The following NR3C2 variants were observed in gnomAD, a reference collection of about 807,000 sequenced individuals.
NR3C2 encodes the protein nuclear receptor subfamily 3 group C member 2.
In NR3C2, 15 loss-of-function variants were observed where a neutral mutation model predicts 86.4. That is an observed-to-expected ratio of 0.17 (90% CI 0.12 to 0.27). NR3C2 has a LOEUF of 0.27. Among genes scored for constraint, NR3C2 ranks in the 10% least tolerant of loss-of-function variants. The probability of loss-of-function intolerance (pLI) is 1.00; values close to 1 mark genes in which losing one functional copy is unlikely to be tolerated. For synonymous variants in NR3C2, 458 were observed against 450.5 expected, an observed-to-expected ratio of 1.02 and a Z score of -0.21; for missense variants, 960 against 1,195.6, an observed-to-expected ratio of 0.80 and a Z score of 2.91.
At position 148,080,915 on chromosome 4, in the gene NR3C2, C is replaced by A; in HGVS notation, c.*429G>T. 6.1e-6 allele frequency: 2 copies of A among 327,000 alleles called. No homozygotes were observed. The highest frequency in any genetic ancestry group is 2.5e-5 in the South Asian group (1 of 40,400). 20.3% of individuals were successfully genotyped at this position (327,000 alleles called of 1,614,324 possible). ...TTTTAATAACAAAAGAATATTAATGCCCCATATTGACTATACGTTTTATGT... is the reference window on the plus strand; with the variant it reads ...TTTTAATAACAAAAGAATATTAATGACCCATATTGACTATACGTTTTATGT... On this transcript the variant is annotated 3_prime_UTR_variant, in exon 9 of 9. Coordinates refer to ENST00000358102, the MANE Select transcript of NR3C2 (RefSeq NM_000901.5).
intron 8 of NR3C2, among the ~76,000 whole-genome samples, chr4:148,105,624 C>T (rs1271904798): frequency 1.3e-5 from 2 of 152,132 alleles, no homozygotes; most frequent in Non-Finnish European, 2.9e-5. Context: ...TGTGAAAATC[C>T]TCAATAAAAT....
chr4:148,106,471 T>A (rs1364056330), intron 8 of NR3C2, among the ~76,000 whole-genome samples: 1 of 152,212 alleles, frequency 6.6e-6, no homozygotes, highest in Non-Finnish European at 1.5e-5. Context: ...GTTATTCCCA[T>A]TAAGCTACCA....
At chr4:148,194,967 T>C in intron 3 of NR3C2, 105 bp from the exon 4 acceptor site, 1 of 876,558 alleles carries the variant, frequency 1.1e-6, no homozygotes, top group Non-Finnish European at 1.8e-6. Flanking sequence ...CCTTGAAATC[T>C]CTTTCTCAAA....
At chr4:148,316,855 G>A (rs1439278715) in intron 2 of NR3C2, among the ~76,000 whole-genome samples, 1 of 152,138 alleles carries the variant, frequency 6.6e-6, no homozygotes, top group East Asian at 1.9e-4. Flanking sequence ...AGGATGGGAT[G>A]TAGTGGTGTG....
intron 8 of NR3C2, among the ~76,000 whole-genome samples, chr4:148,113,892 C>T (rs1732154589): frequency 6.6e-6 from 1 of 152,054 alleles, no homozygotes; most frequent in Non-Finnish European, 1.5e-5. Flanking sequence ...TACTCTTGGC[C>T]CATCCTGTAT....
At chr4:148,104,090 A>G (rs946153732) in intron 8 of NR3C2, among the ~76,000 whole-genome samples, 1 of 152,216 alleles carries the variant, frequency 6.6e-6, no homozygotes, top group Non-Finnish European at 1.5e-5. Context: ...CTTGTGAAAG[A>G]AGAAATTTGT....
chr4:148,135,045 T>C (rs1328451065), intron 6 of NR3C2, among the ~76,000 whole-genome samples: 1 of 152,068 alleles, frequency 6.6e-6, no homozygotes, highest in East Asian at 1.9e-4. Flanking sequence ...CTCACTGTGA[T>C]GCTTTGTACA....
At chr4:148,405,671 T>C (rs1319224781) in intron 2 of NR3C2, among the ~76,000 whole-genome samples, 1 of 152,228 alleles carries the variant, frequency 6.6e-6, no homozygotes, top group Admixed American at 6.5e-5. Flanking sequence ...CAAAGCACTT[T>C]ACAAAATGTA....
chr4:148,104,661 C>G (rs1731713420), intron 8 of NR3C2, among the ~76,000 whole-genome samples: 1 of 152,164 alleles, frequency 6.6e-6, no homozygotes, highest in Non-Finnish European at 1.5e-5. Flanking sequence ...TCATTGTCAC[C>G]TGAGCAACAG....
intron 3 of NR3C2, among the ~76,000 whole-genome samples, chr4:148,258,793 C>T (rs1235638661): frequency 1.3e-5 from 2 of 152,182 alleles, no homozygotes; most frequent in African/African-American, 2.4e-5. Context: ...GCCAAGCCTA[C>T]GCTGGGACTT....
rs6822304 is a variant in NR3C2, at chr4:148,224,185, C to T, written c.1898-29323G>A. On this transcript the variant is annotated intron_variant, in intron 3 of 8. Coordinates refer to ENST00000358102, the MANE Select transcript of NR3C2 (RefSeq NM_000901.5). ...AGACCAAACTAGCATAGACAACATG[C>T]AAATCCCTAATCTCAGGAAGAAGCA... 2.9e-3 allele frequency among the ~76,000 whole-genome samples: 443 copies of T among 151,196 alleles called. 3 individuals carry two copies. The highest frequency in any genetic ancestry group is 0.01 in the African/African-American group (420 of 41,234).
At chr4:148,124,207 C>G (rs1372399407) in intron 6 of NR3C2, among the ~76,000 whole-genome samples, 2 of 151,692 alleles carry the variant, frequency 1.3e-5, no homozygotes, top group African/African-American at 4.9e-5. Flanking sequence ...TGCACTCTAG[C>G]CTGGGTGACA....
chr4:148,090,306 T>C (rs1161547626), intron 8 of NR3C2, among the ~76,000 whole-genome samples: 2 of 152,100 alleles, frequency 1.3e-5, no homozygotes, highest in Non-Finnish European at 2.9e-5. Context: ...TCAGGAAAGA[T>C]GGGCTTGGCA....
At chr4:148,333,370 A>AAAAC (rs201031744) in intron 2 of NR3C2, among the ~76,000 whole-genome samples, 2 of 152,156 alleles carry the variant, frequency 1.3e-5, no homozygotes, top group Non-Finnish European at 2.9e-5. Context: ...ATTCCTAGGA[A>AAAAC]AAACAAACAA....
At chr4:148,388,815 C>G (rs1043463956) in intron 2 of NR3C2, among the ~76,000 whole-genome samples, 1 of 151,988 alleles carries the variant, frequency 6.6e-6, no homozygotes, top group African/African-American at 2.4e-5. Context: ...TGCAGAAGAC[C>G]CAGAGGAGAA....
At chr4:148,381,668 G>T (rs1202071357) in intron 2 of NR3C2, among the ~76,000 whole-genome samples, 1 of 152,120 alleles carries the variant, frequency 6.6e-6, no homozygotes, top group Non-Finnish European at 1.5e-5. Context: ...CACAAAATCA[G>T]AAATCAAAAG....
chr4:148,355,908 G>C (rs1022955659), intron 2 of NR3C2, among the ~76,000 whole-genome samples: 1 of 152,048 alleles, frequency 6.6e-6, no homozygotes, highest in African/African-American at 2.4e-5. Context: ...AACCTTTCTG[G>C]GCCTGTCATT....
At chr4:148,321,443 C>T (rs1460748521) in intron 2 of NR3C2, among the ~76,000 whole-genome samples, 7 of 151,072 alleles carry the variant, frequency 4.6e-5, no homozygotes, top group African/African-American at 1.7e-4. Context: ...TGTTGACTTT[C>T]TGTCTCTTTG....
At chr4:148,398,818 A>G (rs1055885371) in intron 2 of NR3C2, among the ~76,000 whole-genome samples, 2 of 152,358 alleles carry the variant, frequency 1.3e-5, no homozygotes, top group Middle Eastern at 3.4e-3. Flanking sequence ...GCACTAAAAA[A>G]GAAGTACCCT....
Sources: gnomAD v4.1 joint callset for allele counts (sites outside exome capture counted in the v4.1 genomes callset) on GRCh38, gnomAD v4.1.1 for gene constraint, MANE v1.5 for transcripts, NCBI Gene and HGNC (gene_info 2026-07-23, HGNC 2026-07-21) for gene names.